The following CACNA1D variants were observed in gnomAD, a reference collection of about 807,000 sequenced individuals.
CACNA1D encodes voltage-dependent L-type calcium channel subunit alpha-1D.
Under a neutral mutation model 257.1 loss-of-function variants are expected in CACNA1D, and 55 were observed. That is an observed-to-expected ratio of 0.21 (90% confidence interval 0.17 to 0.27). The LOEUF (loss-of-function observed/expected upper bound fraction) is 0.27. CACNA1D is among the 10% of genes least tolerant of loss of function. The pLI is 1.00. For missense variants in CACNA1D, 1,876 were observed against 2,784.0 expected (o/e 0.67, Z 7.34); for synonymous variants, 980 against 1,014.9 (o/e 0.97, Z 0.65).
chr3:53,723,601 C>T lies in CACNA1D; in HGVS notation c.1834C>T (p.Pro612Ser), dbSNP rs1281159662. 4 of 1,613,980 alleles carry T rather than the reference C, an allele frequency of 2.5e-6. No individual in the cohort carries two copies. Among genetic ancestry groups the T allele is most frequent in the African/African-American group, 2.7e-5 (2 of 74,866 alleles). The change falls in exon 13 of 48, where the codon CCC becomes TCC. Residue 612 changes from proline to serine, a missense_variant. Pro to Ser is a moderately conservative substitution (Grantham distance 74). Transcript: ENST00000350061. This position sits in a 1 kb window ranked among gnomAD's most constrained non-coding sequence, Gnocchi z 5.6. Reference sequence around the variant, plus strand: ...CTTGGTGGAACTGGAAATCATGTCTCCCCTGGGGATCTCTGTGTTTCGGTG... The same window carrying T: ...CTTGGTGGAACTGGAAATCATGTCTTCCCTGGGGATCTCTGTGTTTCGGTG... ...TILVELEIMS[P>S]LGISVFRCVR...
chr3:53,790,708 G>T (rs531866230), intron 40 of CACNA1D, among the ~76,000 whole-genome samples: 55 of 152,226 alleles, frequency 3.6e-4, no homozygotes, highest in Non-Finnish European at 6.3e-4. Flanking sequence ...CTCAGCCCCT[G>T]ATGTGCCCCG....
chr3:53,800,508 C>T lies in CACNA1D; in HGVS notation c.5040+143C>T. ...TAGAGGGGCTTTCAGACCACACCCT[C>T]CCCCTCTTACAGACCCTCCCCAGGC... On this transcript the variant is annotated intron_variant, in intron 41 of 47. Transcript: ENST00000350061. The surrounding 1 kb of genome is among the most constrained non-coding windows in gnomAD (Gnocchi z 4.3). The T allele has an allele frequency of 4.0e-6, 3 of 748,646 alleles. No homozygotes were observed. The Admixed American group carries it at 5.4e-5, about 14-fold the overall frequency. 46.4% of individuals were successfully genotyped at this position (748,646 alleles called of 1,614,324 possible).
intron 29 of CACNA1D, among the ~76,000 whole-genome samples, chr3:53,755,043 A>G (rs1162707302): frequency 6.6e-6 from 1 of 152,246 alleles, no homozygotes; most frequent in Non-Finnish European, 1.5e-5. Flanking sequence ...ATCTACATAC[A>G]TAAACATTTC....
rs772418986 is a variant in CACNA1D, at chr3:53,793,416, G to A, written c.4923+6464G>A. ...TTGATTCAGTGCTGAAGGATGGCAC[G>A]TGCCTACCCCCTGTATGTGTCACTC... is the stretch of plus-strand genomic sequence containing the variant. On this transcript the variant is annotated intron_variant, in intron 40 of 47. Transcript: ENST00000350061. This position sits in a 1 kb window ranked among gnomAD's most constrained non-coding sequence, Gnocchi z 4.1. 1.6e-4 allele frequency among the ~76,000 whole-genome samples: 24 copies of A among 152,216 alleles called. No homozygotes were observed. The highest frequency in any genetic ancestry group is 3.9e-4 in the Admixed American group (6 of 15,286).
intron 3 of CACNA1D, among the ~76,000 whole-genome samples, chr3:53,529,790 G>A (rs536678483): frequency 6.6e-6 from 1 of 152,230 alleles, no homozygotes; most frequent in South Asian, 2.1e-4. Flanking sequence ...TATTTTATTA[G>A]CAAAATTTCT....
In CACNA1D at chr3:53,610,837, T is replaced by C. The variant is rs901328261; in HGVS notation, c.484-39942T>C. Among the ~76,000 whole-genome samples the C allele has an allele frequency of 2.6e-5, 4 of 152,340 alleles. No individual in the cohort carries two copies. The South Asian group carries it at 8.3e-4, about 32-fold the overall frequency. ...TACGTGTATTTACCATTTATAGGGC[T>C]CTTCATTTCTTTGCATAGATTCACA... On this transcript the variant is annotated intron_variant, in intron 3 of 47. Transcript: ENST00000350061.
At chr3:53,707,032 C>A (rs532935993) in intron 9 of CACNA1D, among the ~76,000 whole-genome samples, 1 of 152,166 alleles carries the variant, frequency 6.6e-6, no homozygotes, top group East Asian at 1.9e-4. Context: ...TTAACTAGGT[C>A]ACTTTCGAGA....
At chr3:53,507,979 G>C (rs1439536368) in intron 3 of CACNA1D, among the ~76,000 whole-genome samples, 2 of 151,862 alleles carry the variant, frequency 1.3e-5, no homozygotes, top group African/African-American at 4.8e-5. Context: ...AGCTGGAAAG[G>C]GGGGGCTGAA....
intron 8 of CACNA1D, among the ~76,000 whole-genome samples, chr3:53,684,937 A>G (rs554972037): frequency 1.3e-5 from 2 of 152,282 alleles, no homozygotes; most frequent in East Asian, 3.9e-4. Context: ...GATAAAATGG[A>G]ATATTAAATA....
chr3:53,618,571 T>A (rs2093661749), intron 3 of CACNA1D, among the ~76,000 whole-genome samples: 1 of 152,176 alleles, frequency 6.6e-6, no homozygotes, highest in Admixed American at 6.5e-5. Context: ...CCTCCCCAAA[T>A]ACAGCCAGAA....
In CACNA1D at chr3:53,673,539, C is replaced by T. The variant is rs558944719; in HGVS notation, c.1220+413C>T. ...GTAGTCCCCATTTGTAGATTTCAGCCGCTGAGCTTGTCCTTATTTGCAGAA... is the reference window on the plus strand; with the variant it reads ...GTAGTCCCCATTTGTAGATTTCAGCTGCTGAGCTTGTCCTTATTTGCAGAA... On this transcript the variant is annotated intron_variant, in intron 8 of 47. Coordinates refer to ENST00000350061, the MANE Select transcript of CACNA1D (RefSeq NM_001128840.3). The surrounding 1 kb of genome is among the most constrained non-coding windows in gnomAD (Gnocchi z 4.1). Among the ~76,000 whole-genome samples the T allele has an allele frequency of 8.1e-5, 12 of 148,748 alleles. No homozygotes were observed. The South Asian group carries it at 1.5e-3, about 19-fold the overall frequency.
chr3:53,774,500 C>A lies in CACNA1D; in HGVS notation c.4111-87C>A. ...TGAGAAAACCCTAGCTGGTAAAGATCAAACCTGAGTTAGTTCTAAATTCAC... is the reference window on the plus strand; with the variant it reads ...TGAGAAAACCCTAGCTGGTAAAGATAAAACCTGAGTTAGTTCTAAATTCAC... On this transcript the variant is annotated intron_variant, in intron 33 of 47. Transcript: ENST00000350061. This position sits in a 1 kb window ranked among gnomAD's most constrained non-coding sequence, Gnocchi z 4.3. 1.2e-6 allele frequency: 1 copy of A among 828,506 alleles called. No homozygotes were observed. The allele number at this position is 828,506 out of a possible 1,614,324, so 51.3% of individuals were successfully genotyped here.
chr3:53,787,092 A>G (rs2095457874), intron 40 of CACNA1D, 140 bp downstream of exon 40: 1 of 825,768 alleles, frequency 1.2e-6, no homozygotes, highest in Non-Finnish European at 1.9e-6. Context: ...ACTCCCCCAA[A>G]TGTGGACTAG....
At chr3:53,545,451 C>G (rs1404170120) in intron 3 of CACNA1D, among the ~76,000 whole-genome samples, 157 of 152,248 alleles carry the variant, frequency 1.0e-3, no homozygotes, top group Non-Finnish European at 1.5e-4. Context: ...GGCTTTTGCC[C>G]TTGTCATGGA....
chr3:53,798,489 G>A (rs112102983), intron 40 of CACNA1D, among the ~76,000 whole-genome samples: 1 of 152,160 alleles, frequency 6.6e-6, no homozygotes, highest in Admixed American at 6.5e-5. Context: ...GGTTTGACCC[G>A]GGACATGACT....
At chr3:53,728,578 G>A (rs1055003071) in intron 15 of CACNA1D, among the ~76,000 whole-genome samples, 2 of 152,166 alleles carry the variant, frequency 1.3e-5, no homozygotes, top group Admixed American at 1.3e-4. Context: ...GTAAATGAAA[G>A]GTCATTATTT....
At chr3:53,674,880 A>G (rs1325568838) in intron 8 of CACNA1D, among the ~76,000 whole-genome samples, 1 of 152,196 alleles carries the variant, frequency 6.6e-6, no homozygotes, top group Admixed American at 6.5e-5. Context: ...ATTTGATTCC[A>G]GGCAAGTTTA....
chr3:53,674,891 T>C (rs1316787144), intron 8 of CACNA1D, among the ~76,000 whole-genome samples: 2 of 152,138 alleles, frequency 1.3e-5, no homozygotes, highest in East Asian at 3.8e-4. Context: ...GGCAAGTTTA[T>C]CTCCTCCTCA....
intron 26 of CACNA1D, among the ~76,000 whole-genome samples, chr3:53,748,862 C>T (rs2095197610): frequency 1.3e-5 from 2 of 152,166 alleles, no homozygotes. Context: ...AATTTTAGTG[C>T]ATATCTCTGT....
Sources: gnomAD v4.1 joint callset for allele counts (sites outside exome capture counted in the v4.1 genomes callset) on GRCh38, gnomAD v4.1.1 for gene constraint, Gnocchi (gnomAD v3.1) non-coding constraint, MANE v1.5 for transcripts, NCBI Gene and HGNC (gene_info 2026-07-23, HGNC 2026-07-21) for gene names.